SIPA1L1: variants seen among roughly 807,000 people sequenced by gnomAD.
SIPA1L1 encodes signal-induced proliferation-associated 1-like protein 1.
A neutral mutation model predicts 162.7 loss-of-function variants in SIPA1L1; 26 were observed. The observed-to-expected ratio is 0.16, with a 90% CI of 0.12 to 0.22. The LOEUF is 0.22. Ranked by LOEUF, SIPA1L1 falls within the 10% of genes least tolerant of loss-of-function variation. The pLI, the probability that SIPA1L1 is intolerant of heterozygous loss-of-function variation, is 1.00. For missense variants in SIPA1L1, 1,874 were observed against 2,241.0 expected, an observed-to-expected ratio of 0.84 and a Z score of 3.31; for synonymous variants, 829 against 837.4, an observed-to-expected ratio of 0.99 and a Z score of 0.17.
At chr14:71,650,287 A>C in intron 7 of SIPA1L1, 48 bp from the exon 8 acceptor site, 4 of 1,599,644 alleles carry the variant, frequency 2.5e-6, no homozygotes, top group South Asian at 2.2e-5. Context: ...GACTGGGACA[A>C]AGTGGATCTG....
rs1324595553 is a variant in SIPA1L1, at chr14:71,529,347, C to T, written c.-326C>T. On this transcript the variant is annotated 5_prime_UTR_variant, in exon 4 of 24. Transcript: ENST00000381232. Reference sequence around the variant, plus strand: ...ATTGGTGTGGACGTTGTCTAAATTTCGGTAGCCATGGCACAAGAATATAGT... The same window carrying T: ...ATTGGTGTGGACGTTGTCTAAATTTTGGTAGCCATGGCACAAGAATATAGT... The T allele has an allele frequency of 3.4e-5, 23 of 682,014 alleles. No homozygotes were observed. The highest frequency in any genetic ancestry group is 2.3e-4 in the Middle Eastern group (1 of 4,282). 42.2% of individuals were successfully genotyped at this position (682,014 alleles called of 1,614,324 possible). A position where few individuals can be genotyped will look rare whatever the true frequency, so the allele number is the denominator to read the frequency against.
At chr14:71,510,177 C>CTTTTTTTTTTTT (rs985233367) in intron 2 of SIPA1L1, among the ~76,000 whole-genome samples, 17 of 77,494 alleles carry the variant, frequency 2.2e-4, no homozygotes, top group East Asian at 5.2e-4. Flanking sequence ...TCCCCCCCAC[C>CTTTTTTTTTTTT]TTTTTTTTTT....
intron 10 of SIPA1L1, among the ~76,000 whole-genome samples, chr14:71,666,074 T>C (rs777697723): frequency 6.6e-6 from 1 of 152,108 alleles, no homozygotes; most frequent in Non-Finnish European, 1.5e-5. Flanking sequence ...ACAGAATTAA[T>C]GGATTTAAGC....
chr14:71,505,437 T>TC (rs1555442016), intron 2 of SIPA1L1, among the ~76,000 whole-genome samples: 2 of 151,290 alleles, frequency 1.3e-5, no homozygotes, highest in East Asian at 1.9e-4. Context: ...TTTTTTTTTT[T>TC]AGCACTGTCG....
At chr14:71,468,008 GT>G (rs1567063475) in intron 2 of SIPA1L1, among the ~76,000 whole-genome samples, 38 of 51,498 alleles carry the variant, frequency 7.4e-4, no homozygotes, top group East Asian at 4.3e-3. Context: ...TTAGAGGGGT[GT>G]GTGTGTGTGT....
chr14:71,386,698 C>A (rs938283896), intron 2 of SIPA1L1, among the ~76,000 whole-genome samples: 1 of 152,190 alleles, frequency 6.6e-6, no homozygotes, highest in African/African-American at 2.4e-5. Context: ...TGTGTCCTGG[C>A]AGCTCCTGAC....
chr14:71,465,540 A>G (rs745446650), intron 2 of SIPA1L1, among the ~76,000 whole-genome samples: 2 of 152,230 alleles, frequency 1.3e-5, no homozygotes, highest in African/African-American at 4.8e-5. Flanking sequence ...TTTATTTTGC[A>G]TAACTCTAAA....
At chr14:71,635,500 T>G (rs1282581522) in intron 7 of SIPA1L1, among the ~76,000 whole-genome samples, 1 of 152,062 alleles carries the variant, frequency 6.6e-6, no homozygotes, top group Non-Finnish European at 1.5e-5. Context: ...TAAAGAGAGG[T>G]AAAGTTTCTA....
At chr14:71,494,470 C>G (rs1425267839) in intron 2 of SIPA1L1, among the ~76,000 whole-genome samples, 2 of 149,482 alleles carry the variant, frequency 1.3e-5, no homozygotes, top group Non-Finnish European at 3.0e-5. Flanking sequence ...ACCATACTTG[C>G]TAAGATGAAT....
At chr14:71,726,247 C>T (rs547687165) in intron 19 of SIPA1L1, among the ~76,000 whole-genome samples, 1 of 152,216 alleles carries the variant, frequency 6.6e-6, no homozygotes, top group South Asian at 2.1e-4. Flanking sequence ...CAGCACTTAA[C>T]AGTTCTGACT....
chr14:71,330,873 T>G, intron 2 of SIPA1L1: 1 of 565,450 alleles, frequency 1.8e-6, no homozygotes, highest in African/African-American at 1.9e-5. Flanking sequence ...TCCAGGTTGC[T>G]TTTTTGCTCT....
At chr14:71,383,518 A>G (rs2040074898) in intron 2 of SIPA1L1, among the ~76,000 whole-genome samples, 2 of 152,174 alleles carry the variant, frequency 1.3e-5, no homozygotes, top group Admixed American at 1.3e-4. Context: ...TTATTTTTGC[A>G]TTGCTATAAA....
At chr14:71,718,034 G>A (rs17100307) in intron 17 of SIPA1L1, among the ~76,000 whole-genome samples, 13,945 of 152,208 alleles carry the variant, frequency 0.092, 908 homozygotes, top group East Asian at 0.32. Flanking sequence ...GATTTTGACC[G>A]TCATAACAAT....
At chr14:71,335,082 C>T (rs1235224269) in intron 2 of SIPA1L1, among the ~76,000 whole-genome samples, 5 of 152,108 alleles carry the variant, frequency 3.3e-5, no homozygotes, top group African/African-American at 9.7e-5. Flanking sequence ...GGGCGGATCA[C>T]GAGCTCAGGA....
At chr14:71,736,203 C>T (rs2085274190) in intron 22 of SIPA1L1, among the ~76,000 whole-genome samples, 1 of 152,178 alleles carries the variant, frequency 6.6e-6, no homozygotes, top group Non-Finnish European at 1.5e-5. Context: ...TGAAACCAGC[C>T]TGGGCAACAT....
At chr14:71,355,762 T>G (rs2037181985) in intron 2 of SIPA1L1, among the ~76,000 whole-genome samples, 1 of 152,226 alleles carries the variant, frequency 6.6e-6, no homozygotes, top group South Asian at 2.1e-4. Flanking sequence ...ATATAAGCCC[T>G]GGCTTGAAAC....
At chr14:71,720,518 C>G (rs2083625754) in intron 17 of SIPA1L1, among the ~76,000 whole-genome samples, 1 of 151,756 alleles carries the variant, frequency 6.6e-6, no homozygotes, top group African/African-American at 2.4e-5. Context: ...TGCAGTGAGC[C>G]AAGATAGTGC....
chr14:71,544,157 GTA>G (rs1163960756), intron 4 of SIPA1L1, among the ~76,000 whole-genome samples: 9 of 149,754 alleles, frequency 6.0e-5, no homozygotes, highest in African/African-American at 1.5e-4. Flanking sequence ...GCACGTGTGT[GTA>G]TATGTACATA....
chr14:71,456,864 C>A (rs748611156), intron 2 of SIPA1L1, among the ~76,000 whole-genome samples: 1 of 152,090 alleles, frequency 6.6e-6, no homozygotes, highest in Non-Finnish European at 1.5e-5. Context: ...TTATTGCTTC[C>A]AGCATTAAGT....
Sources: allele counts gnomAD v4.1 joint callset (sites outside exome capture counted in the v4.1 genomes callset), GRCh38; gene constraint gnomAD v4.1.1; transcripts MANE v1.5; gene names NCBI Gene and HGNC (gene_info 2026-07-23, HGNC 2026-07-21).